Variants in GALNT13 observed in about 807,000 individuals in gnomAD.
GALNT13 encodes UDP-GalNAc:polypeptide N-acetylgalactosaminyltransferase 13.
GALNT13 carries 28 observed loss-of-function variants against 64.2 expected under a neutral mutation model. The observed-to-expected ratio is 0.44, with a 90% confidence interval of 0.32 to 0.60. The LOEUF (loss-of-function observed/expected upper bound fraction) is 0.60. GALNT13 is among the 20% of genes least tolerant of loss of function. The pLI is 0.05. For missense variants in GALNT13, 577 were observed against 669.8 expected (o/e 0.86, Z 1.53); for synonymous variants, 214 against 224.6 (o/e 0.95, Z 0.42).
chr2:153,840,966 C>T, the GALNT13 span, among the ~76,000 whole-genome samples: 1 of 126,150 alleles, frequency 7.9e-6, no homozygotes, highest in South Asian at 2.7e-4. Context: ...TCGAATATTA[C>T]TTAAGTATTC....
At chr2:153,341,174 T>C in the GALNT13 span, among the ~76,000 whole-genome samples, 1 of 152,240 alleles carries the variant, frequency 6.6e-6, no homozygotes, top group Non-Finnish European at 1.5e-5. Context: ...CATTTCTTTC[T>C]TTACAAAGTT....
the GALNT13 span, among the ~76,000 whole-genome samples, chr2:153,085,988 C>T: frequency 1.3e-5 from 2 of 152,200 alleles, no homozygotes. Flanking sequence ...TCAGCATGCC[C>T]TAAATGTGAG....
chr2:154,004,648 T>C (rs1475978136), intron 3 of GALNT13, among the ~76,000 whole-genome samples: 2 of 152,208 alleles, frequency 1.3e-5, no homozygotes, highest in East Asian at 3.9e-4. Flanking sequence ...AGTCGTACCA[T>C]AGATCAGTTC....
At chr2:154,373,010 C>T (rs1280745136) in intron 9 of GALNT13, among the ~76,000 whole-genome samples, 2 of 151,920 alleles carry the variant, frequency 1.3e-5, no homozygotes, top group African/African-American at 2.4e-5. Flanking sequence ...GGACACTATT[C>T]CTAGGAGCTA....
At chr2:154,345,637 T>G (rs747978774) in intron 9 of GALNT13, among the ~76,000 whole-genome samples, 4 of 152,058 alleles carry the variant, frequency 2.6e-5, no homozygotes, top group Non-Finnish European at 5.9e-5. Context: ...AAAATTGAAT[T>G]GCTTTTGAGA....
the GALNT13 span, among the ~76,000 whole-genome samples, chr2:153,555,010 A>T: frequency 1.1e-4 from 17 of 152,068 alleles, no homozygotes; most frequent in Non-Finnish European, 2.4e-4. Context: ...CATAATAGAC[A>T]CTCAAAACTA....
intron 11 of GALNT13, among the ~76,000 whole-genome samples, chr2:154,416,824 G>T (rs560364705): frequency 5.1e-4 from 77 of 152,074 alleles, no homozygotes; most frequent in Non-Finnish European, 4.9e-4. Flanking sequence ...ACTCTGTTCA[G>T]TCTTGATTCT....
the GALNT13 span, among the ~76,000 whole-genome samples, chr2:153,573,368 T>A: frequency 6.6e-6 from 1 of 152,006 alleles, no homozygotes; most frequent in Non-Finnish European, 1.5e-5. Flanking sequence ...AGGTGACAGA[T>A]CAACAGGTCT....
At chr2:153,501,386 C>T in the GALNT13 span, among the ~76,000 whole-genome samples, 1 of 151,992 alleles carries the variant, frequency 6.6e-6, no homozygotes, top group Non-Finnish European at 1.5e-5. Flanking sequence ...GGCTGGAGTG[C>T]AGTGGCACAA....
At chr2:154,291,863 G>A (rs779252064) in intron 8 of GALNT13, among the ~76,000 whole-genome samples, 1 of 152,268 alleles carries the variant, frequency 6.6e-6, no homozygotes. Flanking sequence ...ACCTCTCGAT[G>A]TGATTCAAAC....
chr2:154,155,718 G>C (rs553339976), intron 4 of GALNT13, among the ~76,000 whole-genome samples: 44 of 152,042 alleles, frequency 2.9e-4, no homozygotes, highest in Non-Finnish European at 5.2e-4. Flanking sequence ...GTAGAAGCCA[G>C]TATACTTTCT....
chr2:154,397,642 TGAA>T (rs1699117482), intron 10 of GALNT13, among the ~76,000 whole-genome samples: 1 of 151,992 alleles, frequency 6.6e-6, no homozygotes, highest in African/African-American at 2.4e-5. Context: ...CTAGAAAAAA[TGAA>T]AGAAAAAAAT....
At chr2:153,629,561 T>G in the GALNT13 span, among the ~76,000 whole-genome samples, 11 of 152,064 alleles carry the variant, frequency 7.2e-5, no homozygotes, top group South Asian at 1.9e-3. Flanking sequence ...GAAAACCTAG[T>G]CATTACCATT....
the GALNT13 span, among the ~76,000 whole-genome samples, chr2:153,766,210 G>T: frequency 6.6e-6 from 1 of 151,780 alleles, no homozygotes; most frequent in South Asian, 2.1e-4. Flanking sequence ...TGAGGTTTCT[G>T]CTGAACCATT....
chr2:154,356,251 T>TA (rs1352364403), intron 9 of GALNT13, among the ~76,000 whole-genome samples: 1 of 151,972 alleles, frequency 6.6e-6, no homozygotes, highest in African/African-American at 2.4e-5. Flanking sequence ...GAACTCTTTT[T>TA]AAAAAAACTG....
At chr2:154,271,743 A>C (rs1434389698) in intron 8 of GALNT13, among the ~76,000 whole-genome samples, 3 of 151,884 alleles carry the variant, frequency 2.0e-5, no homozygotes, top group South Asian at 2.1e-4. Context: ...ATCTATATAT[A>C]TATCTATCTA....
chr2:154,426,216 T>G (rs1265198332), intron 11 of GALNT13, among the ~76,000 whole-genome samples: 1 of 152,218 alleles, frequency 6.6e-6, no homozygotes, highest in Non-Finnish European at 1.5e-5. Flanking sequence ...CTTTGTTGTC[T>G]GGCTCTCTGC....
At chr2:153,084,697 T>C in the GALNT13 span, among the ~76,000 whole-genome samples, 3 of 152,212 alleles carry the variant, frequency 2.0e-5, no homozygotes, top group Admixed American at 6.5e-5. Flanking sequence ...ACTTTGCTCC[T>C]CATTTGCCTT....
At position 154,428,181 on chromosome 2, in the gene GALNT13, T is replaced by G. The variant is rs531063833; in HGVS notation, c.1396-10411T>G. Among the ~76,000 whole-genome samples the G allele has an allele frequency of 3.3e-5, 5 of 152,264 alleles. No homozygotes were observed. The South Asian group carries it at 1.0e-3, about 32-fold the overall frequency. On this transcript the variant is annotated intron_variant, in intron 11 of 12. Coordinates refer to ENST00000392825, the MANE Select transcript of GALNT13 (RefSeq NM_052917.4). Reference sequence around the variant, plus strand: ...GCAAAGGTCCACAATGACTAAATAATGGGTGTGTAAAGAGAAGTTTAAGCC... The same window carrying G: ...GCAAAGGTCCACAATGACTAAATAAGGGGTGTGTAAAGAGAAGTTTAAGCC...
Sources: gnomAD v4.1 joint callset for allele counts (sites outside exome capture counted in the v4.1 genomes callset) on GRCh38, gnomAD v4.1.1 for gene constraint, MANE v1.5 for transcripts, NCBI Gene and HGNC (gene_info 2026-07-23, HGNC 2026-07-21) for gene names.